The following LRP1B variants were observed in gnomAD, a reference collection of about 807,000 sequenced individuals.
LRP1B encodes low-density lipoprotein receptor-related protein 1B.
Under a neutral mutation model 556.6 loss-of-function variants are expected in LRP1B, and 217 were observed. The ratio of observed to expected loss-of-function variants is 0.39; its 90% CI spans 0.35 to 0.44. The LOEUF is 0.44. Ranked by LOEUF, LRP1B falls within the 20% of genes least tolerant of loss-of-function variation. The pLI is 1.00. For synonymous variants in LRP1B, 2,047 were observed against 1,865.8 expected (o/e 1.10, Z -2.50); for missense variants, 5,053 against 5,620.8 (o/e 0.90, Z 3.23).
intron 80 of LRP1B, among the ~76,000 whole-genome samples, chr2:140,324,857 A>G (rs575696793): frequency 2.1e-5 from 3 of 141,498 alleles, no homozygotes; most frequent in African/African-American, 7.7e-5. Context: ...GTAATTAATT[A>G]CAGGGATCTG....
At chr2:141,181,888 G>A (rs932348242) in intron 7 of LRP1B, among the ~76,000 whole-genome samples, 2 of 151,960 alleles carry the variant, frequency 1.3e-5, no homozygotes, top group Non-Finnish European at 2.9e-5. Flanking sequence ...AAGAATGTGA[G>A]TCCTATATAA....
At chr2:141,306,700 A>C (rs1045675900) in intron 3 of LRP1B, among the ~76,000 whole-genome samples, 3 of 151,722 alleles carry the variant, frequency 2.0e-5, no homozygotes, top group African/African-American at 7.3e-5. Context: ...CTTGAAGTCC[A>C]TTTTTACATA....
chr2:140,765,489 C>A (rs1171560526), intron 35 of LRP1B, among the ~76,000 whole-genome samples: 4 of 152,074 alleles, frequency 2.6e-5, no homozygotes, highest in African/African-American at 9.7e-5. Flanking sequence ...GTTAAAGCAT[C>A]AAATGCAGTA....
At chr2:140,724,878 T>C (rs1483828050) in intron 35 of LRP1B, among the ~76,000 whole-genome samples, 1 of 152,218 alleles carries the variant, frequency 6.6e-6, no homozygotes, top group Non-Finnish European at 1.5e-5. Flanking sequence ...TTATTTACTA[T>C]CACTTCCTGA....
In LRP1B at chr2:141,969,806, C is replaced by T. The variant is rs371152681; in HGVS notation, c.83-159405G>A. Among the ~76,000 whole-genome samples the T allele has an allele frequency of 3.6e-4, 55 of 151,620 alleles. No individual in the cohort carries two copies. The South Asian group carries it at 0.011, about 31-fold the overall frequency. On this transcript the variant is annotated intron_variant, in intron 1 of 90. Coordinates refer to ENST00000389484, the MANE Select transcript of LRP1B (RefSeq NM_018557.3). The stretch of plus-strand genomic sequence containing the variant: ...TATTAAGATCCCAGTAGTGGGATTT[C>T]TGTATCATATAATTCTATTTTTGGT...
At chr2:140,589,253 A>C (rs1033567537) in intron 43 of LRP1B, among the ~76,000 whole-genome samples, 4 of 152,208 alleles carry the variant, frequency 2.6e-5, no homozygotes, top group African/African-American at 9.6e-5. Flanking sequence ...ATGGAAAAAC[A>C]AACTACAAAG....
chr2:141,434,325 C>T, intron 3 of LRP1B, among the ~76,000 whole-genome samples: 1 of 152,068 alleles, frequency 6.6e-6, no homozygotes, highest in Non-Finnish European at 1.5e-5. Flanking sequence ...TCTTTATGTA[C>T]ATCCAGTTTG....
intron 29 of LRP1B, among the ~76,000 whole-genome samples, chr2:140,843,981 A>G (rs1390087726): frequency 3.9e-5 from 6 of 152,202 alleles, no homozygotes; most frequent in African/African-American, 1.2e-4. Context: ...TTTTAAGAGT[A>G]TGTGAACTGA....
Position 141,722,293 on chromosome 2 carries a change from G to A in LRP1B, c.205+87986C>T, listed in dbSNP as rs562170770. Among the ~76,000 whole-genome samples, 30 of 152,208 alleles carry A rather than the reference G, an allele frequency of 2.0e-4. 1 individual carries two copies. Among genetic ancestry groups the A allele is most frequent in the East Asian group, 5.8e-4 (3 of 5,146 alleles). ...CTCAGGACGCTAAGGCACGAGAATC[G>A]CTTGAACCTGGGAGGTGGAGGTTGC... On this transcript the variant is annotated intron_variant, in intron 2 of 90. Transcript: ENST00000389484.
intron 3 of LRP1B, among the ~76,000 whole-genome samples, chr2:141,415,075 C>T (rs550128635): frequency 2.0e-5 from 3 of 152,310 alleles, no homozygotes; most frequent in South Asian, 4.1e-4. Flanking sequence ...AGTGCAGTGG[C>T]GCTATCTTGG....
rs186032739 is a variant in LRP1B at position 141,243,415 on chromosome 2, G to A, written c.592+3811C>T. ...AAAAATGGCTTAAGCCTAGAAGTTTGCGGCTGCAGTGAGCTATGATCATGC... is the reference window on the plus strand; with the variant it reads ...AAAAATGGCTTAAGCCTAGAAGTTTACGGCTGCAGTGAGCTATGATCATGC... On this transcript the variant is annotated intron_variant, in intron 5 of 90. Transcript: ENST00000389484. 1.1e-3 allele frequency among the ~76,000 whole-genome samples: 170 copies of A among 152,192 alleles called. 1 individual carries two copies. Among genetic ancestry groups the A allele is most frequent in the Non-Finnish European group, 2.1e-3 (146 of 68,002 alleles).
rs564897029 is a variant in LRP1B, at chr2:141,712,925, G to T, written c.205+97354C>A. On this transcript the variant is annotated intron_variant, in intron 2 of 90. Transcript: ENST00000389484. ...TAACTCCTGACCTCATGACCTGCCT[G>T]CCTCAGCCTCCCAAAGATCTGGGAT... Among the ~76,000 whole-genome samples, 26 of 146,624 alleles carry T rather than the reference G, an allele frequency of 1.8e-4. 1 individual carries two copies. In the South Asian group the frequency reaches 5.4e-3, roughly 30 times the overall value.
chr2:140,335,097 A>G (rs1681007336), intron 78 of LRP1B, among the ~76,000 whole-genome samples: 1 of 151,866 alleles, frequency 6.6e-6, no homozygotes, highest in Non-Finnish European at 1.5e-5. Flanking sequence ...ACATTTTTCT[A>G]TTTCCTTTTT....
intron 2 of LRP1B, among the ~76,000 whole-genome samples, chr2:141,545,293 T>C (rs1015624809): frequency 6.6e-6 from 1 of 152,206 alleles, no homozygotes; most frequent in Non-Finnish European, 1.5e-5. Context: ...GGCCTCTAGT[T>C]TCTAAGCACT....
chr2:141,987,500 A>T (rs1374054243), intron 1 of LRP1B, among the ~76,000 whole-genome samples: 3 of 150,958 alleles, frequency 2.0e-5, no homozygotes, highest in Admixed American at 2.0e-4. Context: ...TGCAATTAGC[A>T]ACAATTAATT....
At chr2:141,290,475 A>AT (rs1200213331) in intron 3 of LRP1B, among the ~76,000 whole-genome samples, 3 of 152,084 alleles carry the variant, frequency 2.0e-5, no homozygotes, top group African/African-American at 7.2e-5. Flanking sequence ...TCAATGTTGT[A>AT]TTTATTGTAA....
At chr2:141,385,620 AT>A (rs1180796591) in intron 3 of LRP1B, among the ~76,000 whole-genome samples, 2 of 145,064 alleles carry the variant, frequency 1.4e-5, no homozygotes, top group East Asian at 2.0e-4. Flanking sequence ...AAAAAAAAAA[AT>A]TGTTAATGAG....
At chr2:141,978,887 T>C (rs946000976) in intron 1 of LRP1B, among the ~76,000 whole-genome samples, 13 of 152,044 alleles carry the variant, frequency 8.6e-5, no homozygotes, top group African/African-American at 2.9e-4. Flanking sequence ...AACATGATTC[T>C]GACAGAAGAA....
chr2:140,760,505 C>T (rs1688881484), intron 35 of LRP1B, among the ~76,000 whole-genome samples: 1 of 152,172 alleles, frequency 6.6e-6, no homozygotes, highest in Non-Finnish European at 1.5e-5. Flanking sequence ...CCTAGCTTGG[C>T]CTTCTGAATC....
Sources: allele counts gnomAD v4.1 joint callset (sites outside exome capture counted in the v4.1 genomes callset), GRCh38; gene constraint gnomAD v4.1.1; transcripts MANE v1.5; gene names NCBI Gene and HGNC (gene_info 2026-07-23, HGNC 2026-07-21).